Variants in ASXL2 observed in about 807,000 individuals in gnomAD.
ASXL2 encodes ASXL transcriptional regulator 2.
In ASXL2, 23 loss-of-function variants were observed where a neutral mutation model predicts 122.0. The ratio of observed to expected loss-of-function variants is 0.19; its 90% CI spans 0.14 to 0.27. The LOEUF is 0.27. ASXL2 is among the 10% of genes least tolerant of loss of function. ASXL2 has a pLI of 1.00. For missense variants in ASXL2, 1,518 were observed against 1,713.8 expected (o/e 0.89, Z 2.02); for synonymous variants, 650 against 637.0 (o/e 1.02, Z -0.31).
chr2:25,786,793 TG>T (rs1345608556), intron 5 of ASXL2, among the ~76,000 whole-genome samples: 4 of 151,484 alleles, frequency 2.6e-5, no homozygotes, highest in African/African-American at 9.7e-5. Flanking sequence ...AGGTGGAGGT[TG>T]CAGTGAGCCG....
chr2:25,796,552 T>C (rs1292694952), intron 5 of ASXL2, among the ~76,000 whole-genome samples: 1 of 152,224 alleles, frequency 6.6e-6, no homozygotes, highest in African/African-American at 2.4e-5. Flanking sequence ...CCAGGGAAGC[T>C]GCAGCAACAG....
chr2:25,874,102 GA>G (rs1465937112), intron 1 of ASXL2, among the ~76,000 whole-genome samples: 1 of 152,138 alleles, frequency 6.6e-6, no homozygotes, highest in Admixed American at 6.6e-5. Context: ...CTAACACTTT[GA>G]GAGGCTGAGG....
intron 3 of ASXL2, chr2:25,810,108 C>T (rs1163846027): frequency 3.6e-6 from 2 of 552,430 alleles, no homozygotes; most frequent in Admixed American, 1.9e-5. Flanking sequence ...ATCTTGATCT[C>T]TTCCACGTTT....
In ASXL2 at chr2:25,742,092, A is replaced by G. The variant is rs746550801; in HGVS notation, c.4245T>C (p.Ala1415=). 3.7e-6 allele frequency: 6 copies of G among 1,614,062 alleles called. No homozygotes were observed. In the Admixed American group the frequency reaches 6.7e-5, roughly 18 times the overall value. Residue 1415 remains alanine, a synonymous_variant, in exon 13 of 13, where the codon GCT becomes GCC. Coordinates refer to ENST00000435504, the MANE Select transcript of ASXL2 (RefSeq NM_018263.6). ...KAMIMCKGCG[A]FCHDDCIGPS... Reference sequence around the variant, plus strand: ...GGCCGATGCAATCATCATGGCAGAAAGCGCCACAGCCTTTGCACATGATCA... The same window carrying G: ...GGCCGATGCAATCATCATGGCAGAAGGCGCCACAGCCTTTGCACATGATCA...
At chr2:25,811,477 T>C (rs779654517) in intron 3 of ASXL2, among the ~76,000 whole-genome samples, 140 of 152,014 alleles carry the variant, frequency 9.2e-4, no homozygotes, top group Admixed American at 2.1e-3. Flanking sequence ...AAAAGATTAA[T>C]AGTCCTAAGA....
intron 1 of ASXL2, among the ~76,000 whole-genome samples, chr2:25,846,821 T>C (rs2089655865): frequency 6.6e-6 from 1 of 151,976 alleles, no homozygotes; most frequent in South Asian, 2.1e-4. Context: ...AAAATAGAAA[T>C]AATGTCTAAT....
At chr2:25,847,841 C>T (rs2089666736) in intron 1 of ASXL2, among the ~76,000 whole-genome samples, 1 of 152,032 alleles carries the variant, frequency 6.6e-6, no homozygotes, top group Non-Finnish European at 1.5e-5. Flanking sequence ...CAAGATTGGC[C>T]ATAAATTGAT....
intron 1 of ASXL2, among the ~76,000 whole-genome samples, chr2:25,852,692 G>C (rs1283668206): frequency 6.6e-6 from 1 of 152,164 alleles, no homozygotes; most frequent in African/African-American, 2.4e-5. Flanking sequence ...GAAAAACTAG[G>C]AAATAAACTA....
In ASXL2 at chr2:25,734,209, CTTT is replaced by C. The variant is rs2087696820; in HGVS notation, c.*7817_*7819del. ...CTGAGAACTTGCTCTTTAATCAGTA[CTTT>C]ATTATTAGAGAATAAATTAAGATGT... On this transcript the variant is annotated 3_prime_UTR_variant, in exon 13 of 13. Transcript: ENST00000435504. 1 of 151,982 alleles carries C rather than the reference CTTT, an allele frequency of 6.6e-6. No individual in the cohort carries two copies. Among genetic ancestry groups the C allele is most frequent in the African/African-American group, 2.4e-5 (1 of 41,360 alleles). 9.4% of individuals were successfully genotyped at this position (151,982 alleles called of 1,614,324 possible).
intron 1 of ASXL2, among the ~76,000 whole-genome samples, chr2:25,869,913 A>G (rs2089949305): frequency 2.7e-5 from 2 of 74,670 alleles, no homozygotes; most frequent in South Asian, 3.9e-4. Flanking sequence ...ATGAAATACT[A>G]AAAAAAAAAA....
Position 25,751,134 on chromosome 2 carries a change from AC to A in ASXL2, c.1143-722del, listed in dbSNP as rs1009752276. 3.4e-4 allele frequency among the ~76,000 whole-genome samples: 52 copies of A among 152,182 alleles called. 1 individual carries two copies. The highest frequency in any genetic ancestry group is 2.9e-3 in the Admixed American group (44 of 15,286). On this transcript the variant is annotated intron_variant, in intron 11 of 12. Coordinates refer to ENST00000435504, the MANE Select transcript of ASXL2 (RefSeq NM_018263.6). ...GGCTAATCTGTAAAGGTCATTAGTG[AC>A]TCTTCTTAATGTTTTAGAATACTGT...
rs1251969676 is a variant in ASXL2 at position 25,780,615 on chromosome 2, T to TTCTGACG, written c.404-9082_404-9076dup. ...TCTGCACCATACGTCCTGTAGGTGA[T>TTCTGACG]TCTGACGCAAGCTCGAGTCTGAGAA... On this transcript the variant is annotated intron_variant, in intron 5 of 12. Coordinates refer to ENST00000435504, the MANE Select transcript of ASXL2 (RefSeq NM_018263.6). Among the ~76,000 whole-genome samples, 6 of 152,306 alleles carry TTCTGACG rather than the reference T, an allele frequency of 3.9e-5. No homozygotes were observed. In the East Asian group the frequency reaches 1.2e-3, roughly 29 times the overall value.
intron 8 of ASXL2, among the ~76,000 whole-genome samples, chr2:25,761,762 C>A (rs1377549409): frequency 6.6e-6 from 1 of 151,130 alleles, no homozygotes; most frequent in Non-Finnish European, 1.5e-5. Context: ...CTGTAAAATG[C>A]TGACAGAAAA....
chr2:25,791,635 C>T (rs79560238), intron 5 of ASXL2, among the ~76,000 whole-genome samples: 3,740 of 152,280 alleles, frequency 0.025, 135 homozygotes, highest in African/African-American at 0.078. Flanking sequence ...CCTGAAAACA[C>T]TATATACATT....
intron 5 of ASXL2, among the ~76,000 whole-genome samples, chr2:25,777,961 T>C (rs2088575074): frequency 1.3e-5 from 2 of 152,204 alleles, no homozygotes; most frequent in African/African-American, 4.8e-5. Flanking sequence ...CAAAGATACA[T>C]CTTCATCTGC....
intron 3 of ASXL2, among the ~76,000 whole-genome samples, chr2:25,826,172 A>G (rs2089372255): frequency 6.6e-6 from 1 of 152,188 alleles, no homozygotes; most frequent in Admixed American, 6.5e-5. Flanking sequence ...TAATGCTGGG[A>G]AAATCTGGGG....
rs1426573829 is a variant in ASXL2 at position 25,741,818 on chromosome 2, A to G, written c.*211T>C. The G allele has an allele frequency of 9.8e-6, 5 of 508,152 alleles. No individual in the cohort carries two copies. The highest frequency in any genetic ancestry group is 8.7e-5 in the East Asian group (3 of 34,436). The allele number at this position is 508,152 out of a possible 1,614,324, so 31.5% of individuals were successfully genotyped here. A position where few individuals can be genotyped will look rare whatever the true frequency, so the allele number is the denominator to read the frequency against. On this transcript the variant is annotated 3_prime_UTR_variant, in exon 13 of 13. Transcript: ENST00000435504. ...AAGTGCAAACTTGTCACAAATTCAC[A>G]AAGTCTTGCTTGACTTAGACTTACT...
At chr2:25,876,128 A>C (rs1351761325) in intron 1 of ASXL2, among the ~76,000 whole-genome samples, 1 of 152,210 alleles carries the variant, frequency 6.6e-6, no homozygotes, top group Non-Finnish European at 1.5e-5. Context: ...ACACATTTTC[A>C]CTGAGACTGG....
intron 5 of ASXL2, among the ~76,000 whole-genome samples, chr2:25,789,398 C>T (rs2088796476): frequency 6.6e-6 from 1 of 151,954 alleles, no homozygotes; most frequent in South Asian, 2.1e-4. Flanking sequence ...GGACATTATT[C>T]TGTTCTAGAC....
Sources: allele counts gnomAD v4.1 joint callset (sites outside exome capture counted in the v4.1 genomes callset), GRCh38; gene constraint gnomAD v4.1.1; transcripts MANE v1.5; gene names NCBI Gene and HGNC (gene_info 2026-07-23, HGNC 2026-07-21).